DYNC2H1: variants seen among roughly 807,000 people sequenced by gnomAD.
DYNC2H1 encodes dynein cytoplasmic 2 heavy chain 1.
A neutral mutation model predicts 570.0 loss-of-function variants in DYNC2H1; 410 were observed. The observed-to-expected ratio is 0.72, with a 90% CI of 0.66 to 0.78. The LOEUF (loss-of-function observed/expected upper bound fraction) is 0.78. Among genes scored for constraint, DYNC2H1 ranks in the 30% least tolerant of loss-of-function variants. The probability of loss-of-function intolerance (pLI) is 0.00; values close to 1 mark genes in which losing one functional copy is unlikely to be tolerated. For synonymous variants in DYNC2H1, 1,688 were observed against 1,677.6 expected, an observed-to-expected ratio of 1.01 and a Z score of -0.15; for missense variants, 4,865 against 5,046.4, an observed-to-expected ratio of 0.96 and a Z score of 1.09.
rs1221284319 is a variant in DYNC2H1, at chr11:103,299,175, A to C, written c.11096-3918A>C. Among the ~76,000 whole-genome samples the C allele has an allele frequency of 6.6e-6, 1 of 152,102 alleles. No individual in the cohort carries two copies. The highest frequency in any genetic ancestry group is 1.5e-5 in the Non-Finnish European group (1 of 68,004). ...AATTTTTAAACGTTCTTCATCCAAA[A>C]GTTATTTTTGAACTATGCATCTTTC... On this transcript the variant is annotated intron_variant, in intron 75 of 88. Coordinates refer to ENST00000375735, the MANE Select transcript of DYNC2H1 (RefSeq NM_001377.3). The surrounding 1 kb of genome is among the most constrained non-coding windows in gnomAD (Gnocchi z 4.5).
At position 103,192,017 on chromosome 11, in the gene DYNC2H1, C is replaced by A. The variant is rs571590164; in HGVS notation, c.7541-80C>A. The A allele has an allele frequency of 1.6e-4, 190 of 1,159,846 alleles. 2 individuals carry two copies. In the South Asian group the frequency reaches 4.0e-3, roughly 25 times the overall value. 71.8% of individuals were successfully genotyped at this position (1,159,846 alleles called of 1,614,324 possible). On this transcript the variant is annotated intron_variant, in intron 46 of 88. Coordinates refer to ENST00000375735, the MANE Select transcript of DYNC2H1 (RefSeq NM_001377.3). ...CAAAATTATGGTATGTAGACACCTG[C>A]TATTTCTTTCTAATTTTATGTTAAA... is the stretch of plus-strand genomic sequence containing the variant.
At chr11:103,458,964 ATATGGCCTGGC>A (rs1944896356) in intron 87 of DYNC2H1, among the ~76,000 whole-genome samples, 3 of 151,948 alleles carry the variant, frequency 2.0e-5, no homozygotes, top group African/African-American at 7.2e-5. Context: ...GAGCCATTGC[ATATGGCCTGGC>A]TATAGTTCTT....
At chr11:103,310,698 TG>T (rs1253093791) in intron 78 of DYNC2H1, among the ~76,000 whole-genome samples, 3,516 of 65,356 alleles carry the variant, frequency 0.054, 721 homozygotes, top group Middle Eastern at 0.091. Flanking sequence ...TTTTTTTTTT[TG>T]GGAGACTGAG....
At chr11:103,109,984 A>G (rs975046877) in intron 1 of DYNC2H1, among the ~76,000 whole-genome samples, 12 of 152,204 alleles carry the variant, frequency 7.9e-5, no homozygotes, top group African/African-American at 2.9e-4. Flanking sequence ...TGACCGAAGC[A>G]TGTTTCCCTT....
intron 82 of DYNC2H1, among the ~76,000 whole-genome samples, chr11:103,327,009 C>CA (rs1486685765): frequency 6.6e-6 from 1 of 152,230 alleles, no homozygotes; most frequent in African/African-American, 2.4e-5. Context: ...GCTAGGATTC[C>CA]ATAGGTCCAA....
chr11:103,197,691 T>C (rs181078269), intron 47 of DYNC2H1, among the ~76,000 whole-genome samples: 4 of 152,238 alleles, frequency 2.6e-5, no homozygotes, highest in Non-Finnish European at 5.9e-5. Context: ...GAAGTAATCC[T>C]CCTGCCTTGG....
chr11:103,222,699 G>T lies in DYNC2H1; in HGVS notation c.9232-266G>T, dbSNP rs188664797. On this transcript the variant is annotated intron_variant, in intron 58 of 88. Transcript: ENST00000375735. ...TGACACATGTATTCATTAGAAATGT[G>T]ACTAATAGAAAATTATGTTGATAAA... Among the ~76,000 whole-genome samples the T allele has an allele frequency of 8.4e-3, 1,272 of 152,244 alleles. 8 individuals carry two copies. The highest frequency in any genetic ancestry group is 0.014 in the Non-Finnish European group (962 of 68,006).
chr11:103,417,401 C>G (rs1179117451), intron 84 of DYNC2H1, among the ~76,000 whole-genome samples: 2 of 151,960 alleles, frequency 1.3e-5, no homozygotes, highest in African/African-American at 4.8e-5. Flanking sequence ...ACACCTGGCC[C>G]AATAAAGTGA....
Position 103,215,780 on chromosome 11 carries a change from T to C in DYNC2H1, c.8754T>C (p.Ala2918=), listed in dbSNP as rs958020459. The C allele has an allele frequency of 6.2e-7, 1 of 1,612,218 alleles. No homozygotes were observed. Among genetic ancestry groups the C allele is most frequent in the Non-Finnish European group, 8.5e-7 (1 of 1,178,982 alleles). Residue 2918 remains alanine (A), a synonymous_variant, in exon 55 of 89, where the codon GCT becomes GCC. Coordinates refer to ENST00000375735, the MANE Select transcript of DYNC2H1 (RefSeq NM_001377.3). ...TTGTGGATGAACTGAACAGAAAAGC[T>C]GGAGAACAAAGTGTGTTACTTAAAA... ...KALVDELNRK[A]GEQSVLLKTK... is the part of the protein sequence containing the mutation.
At chr11:103,452,060 A>G (rs1591777792) in intron 85 of DYNC2H1, among the ~76,000 whole-genome samples, 1 of 152,072 alleles carries the variant, frequency 6.6e-6, no homozygotes, top group Admixed American at 6.6e-5. Flanking sequence ...ATTATGGAAT[A>G]AAATTTTACT....
At chr11:103,411,670 T>C (rs1255344379) in intron 84 of DYNC2H1, among the ~76,000 whole-genome samples, 1 of 152,124 alleles carries the variant, frequency 6.6e-6, no homozygotes, top group Non-Finnish European at 1.5e-5. Flanking sequence ...CAAAATATTT[T>C]AGAAAGGGGT....
intron 59 of DYNC2H1, among the ~76,000 whole-genome samples, chr11:103,223,911 C>G (rs1863698849): frequency 6.6e-6 from 1 of 151,902 alleles, no homozygotes; most frequent in African/African-American, 2.4e-5. Context: ...CCACACCTGG[C>G]TAATTTTCTG....
Position 103,478,898 on chromosome 11 carries a change from T to G in DYNC2H1, c.12766-197T>G, listed in dbSNP as rs577864303. On this transcript the variant is annotated intron_variant, in intron 88 of 88. Coordinates refer to ENST00000375735, the MANE Select transcript of DYNC2H1 (RefSeq NM_001377.3). ...GTGCTGTTCAAAATACTCCAATGTT[T>G]GGGGCTAGGGAGAGGTTGTAAATAA... Among the ~76,000 whole-genome samples the G allele has an allele frequency of 1.9e-3, 286 of 152,300 alleles. 3 individuals are homozygous for G. Among genetic ancestry groups the G allele is most frequent in the African/African-American group, 6.3e-3 (261 of 41,570 alleles).
intron 42 of DYNC2H1, 150 bp from the exon 43 acceptor site, chr11:103,187,190 T>C: frequency 2.7e-6 from 3 of 1,100,530 alleles, no homozygotes; most frequent in Non-Finnish European, 3.8e-6. Flanking sequence ...TTGATAGTTA[T>C]GGAAGCCATA....
At chr11:103,171,146 C>T in intron 34 of DYNC2H1, 78 bp downstream of exon 34, 1 of 1,171,478 alleles carries the variant, frequency 8.5e-7, no homozygotes, top group Non-Finnish European at 1.1e-6. Flanking sequence ...GCAATATTCT[C>T]TTTTTATTTC....
rs1292213800 is a variant in DYNC2H1 at position 103,310,695 on chromosome 11, TTTTG to T, written c.11494-1182_11494-1179del. Among the ~76,000 whole-genome samples, 14 of 93,774 alleles carry T rather than the reference TTTTG, an allele frequency of 1.5e-4. No homozygotes were observed. The South Asian group carries it at 3.1e-3, about 21-fold the overall frequency. The allele number at this position is 93,774 out of a possible 152,430, so 61.5% of individuals were successfully genotyped here. A position where few individuals can be genotyped will look rare whatever the true frequency, so the allele number is the denominator to read the frequency against. ...TTTCTTTTTTTTTTTTTTTTTTTTTTTTTGGGAGACTGAGTCTTGCTCTGTGCCC... is the reference window on the plus strand; with the variant it reads ...TTTCTTTTTTTTTTTTTTTTTTTTTTGGAGACTGAGTCTTGCTCTGTGCCC... On this transcript the variant is annotated intron_variant, in intron 78 of 88. Transcript: ENST00000375735.
intron 82 of DYNC2H1, among the ~76,000 whole-genome samples, chr11:103,343,776 A>C (rs1040426683): frequency 2.0e-5 from 3 of 152,192 alleles, no homozygotes; most frequent in African/African-American, 7.2e-5. Flanking sequence ...TGAACTTAGG[A>C]CTTTCTGGAA....
chr11:103,384,066 A>G (rs987311284), intron 83 of DYNC2H1, among the ~76,000 whole-genome samples: 9 of 152,312 alleles, frequency 5.9e-5, no homozygotes, highest in African/African-American at 1.4e-4. Context: ...CCCACTATGC[A>G]ATAACATTTT....
At chr11:103,365,890 A>G (rs1012550717) in intron 83 of DYNC2H1, among the ~76,000 whole-genome samples, 15 of 152,262 alleles carry the variant, frequency 9.9e-5, no homozygotes, top group Non-Finnish European at 2.1e-4. Context: ...TAGTTCGATC[A>G]TCTTTAATAG....
Sources: allele counts gnomAD v4.1 joint callset (sites outside exome capture counted in the v4.1 genomes callset), GRCh38; gene constraint gnomAD v4.1.1; non-coding constraint Gnocchi (gnomAD v3.1); transcripts MANE v1.5; gene names NCBI Gene and HGNC (gene_info 2026-07-23, HGNC 2026-07-21).